The following CDKAL1 variants were observed in gnomAD, a reference collection of about 807,000 sequenced individuals.
CDKAL1 encodes threonylcarbamoyladenosine tRNA methylthiotransferase.
In CDKAL1, 32 loss-of-function variants were observed where a neutral mutation model predicts 68.2. The observed-to-expected ratio is 0.47, with a 90% CI of 0.35 to 0.63. The LOEUF is 0.63. Among genes scored for constraint, CDKAL1 ranks in the 30% least tolerant of loss-of-function variants. CDKAL1 has a pLI of 0.00. For missense variants in CDKAL1, 606 were observed against 696.7 expected (o/e 0.87, Z 1.47); for synonymous variants, 234 against 244.3 (o/e 0.96, Z 0.39).
chr6:20,805,657 G>A (rs1238414224), intron 8 of CDKAL1, among the ~76,000 whole-genome samples: 1 of 152,020 alleles, frequency 6.6e-6, no homozygotes, highest in Admixed American at 6.6e-5. Context: ...TTCACAGGAG[G>A]GCAACAGTCA....
At chr6:20,914,949 T>A (rs1762653771) in intron 9 of CDKAL1, among the ~76,000 whole-genome samples, 1 of 152,148 alleles carries the variant, frequency 6.6e-6, no homozygotes, top group South Asian at 2.1e-4. Context: ...ATGGTGGGTA[T>A]AAGATTGAAT....
At chr6:21,030,121 A>G (rs1387819688) in intron 11 of CDKAL1, among the ~76,000 whole-genome samples, 2 of 152,226 alleles carry the variant, frequency 1.3e-5, no homozygotes, top group Non-Finnish European at 2.9e-5. Flanking sequence ...AATGTGGTAC[A>G]TATACACCAT....
intron 5 of CDKAL1, among the ~76,000 whole-genome samples, chr6:20,656,391 G>C (rs568531840): frequency 6.6e-6 from 1 of 152,292 alleles, no homozygotes; most frequent in Admixed American, 6.5e-5. Flanking sequence ...TGGAAGAGGG[G>C]AGTTAGGGTC....
intron 9 of CDKAL1, among the ~76,000 whole-genome samples, chr6:20,904,985 A>G (rs550163538): frequency 2.6e-5 from 4 of 152,294 alleles, no homozygotes; most frequent in Admixed American, 2.6e-4. Flanking sequence ...AGAAAATTTC[A>G]TTTCCAGAAT....
intron 13 of CDKAL1, among the ~76,000 whole-genome samples, chr6:21,140,773 A>G (rs556466340): frequency 5.9e-5 from 9 of 152,192 alleles, no homozygotes; most frequent in African/African-American, 2.2e-4. Flanking sequence ...CCTGCTTGCT[A>G]TGTGTATTAG....
intron 9 of CDKAL1, among the ~76,000 whole-genome samples, chr6:20,902,333 ACACACACACACAC>A: frequency 6.6e-6 from 1 of 150,530 alleles, no homozygotes; most frequent in Non-Finnish European, 1.5e-5. Flanking sequence ...ACACACACAC[ACACACACACACAC>A]ACACACACAC....
intron 4 of CDKAL1, among the ~76,000 whole-genome samples, chr6:20,585,080 G>A (rs542390802): frequency 2.5e-4 from 33 of 133,374 alleles, no homozygotes; most frequent in African/African-American, 9.6e-4. Flanking sequence ...TTTTTGAGAC[G>A]GAGTCTCGCT....
Position 20,587,091 on chromosome 6 carries a change from A to T in CDKAL1, c.286+38386A>T, listed in dbSNP as rs190746887. ...ATCCTCTACCTCCCGGGTTCAAGTGATTCTCTTGCCCCAGCCTCCTGAGTA... is the reference window on the plus strand; with the variant it reads ...ATCCTCTACCTCCCGGGTTCAAGTGTTTCTCTTGCCCCAGCCTCCTGAGTA... On this transcript the variant is annotated intron_variant, in intron 4 of 15. Coordinates refer to ENST00000274695, the MANE Select transcript of CDKAL1 (RefSeq NM_017774.3). 3.5e-3 allele frequency among the ~76,000 whole-genome samples: 494 copies of T among 141,394 alleles called. 1 individual carries two copies. The highest frequency in any genetic ancestry group is 8.1e-3 in the Admixed American group (104 of 12,854). The allele number at this position is 141,394 out of a possible 152,430, so 92.8% of individuals were successfully genotyped here. A position where few individuals can be genotyped will look rare whatever the true frequency, so the allele number is the denominator to read the frequency against.
rs141686095 is a variant in CDKAL1, at chr6:20,585,525, T to A, written c.286+36820T>A. Among the ~76,000 whole-genome samples the A allele has an allele frequency of 6.3e-3, 958 of 152,342 alleles. 4 individuals are homozygous for A. The highest frequency in any genetic ancestry group is 8.5e-3 in the Non-Finnish European group (580 of 68,030). ...CTACGGAGGCCCTTTTACTTGAAAG[T>A]GCTCTCATCAAGTTCACCAATGACC... On this transcript the variant is annotated intron_variant, in intron 4 of 15. Transcript: ENST00000274695.
intron 4 of CDKAL1, among the ~76,000 whole-genome samples, chr6:20,629,136 T>C (rs1767562622): frequency 6.6e-6 from 1 of 152,226 alleles, no homozygotes; most frequent in South Asian, 2.1e-4. Context: ...TTTCTCTCTC[T>C]TTACTTGCCT....
intron 9 of CDKAL1, among the ~76,000 whole-genome samples, chr6:20,917,162 G>A (rs890345156): frequency 2.6e-5 from 4 of 152,058 alleles, no homozygotes; most frequent in African/African-American, 9.7e-5. Context: ...TGTATTTGTA[G>A]TAGAGATGTG....
chr6:20,704,084 C>A (rs1303343858), intron 5 of CDKAL1, among the ~76,000 whole-genome samples: 1 of 152,114 alleles, frequency 6.6e-6, no homozygotes, highest in Non-Finnish European at 1.5e-5. Context: ...CTGTTTGAGG[C>A]TCTGGGATTT....
At chr6:21,053,229 A>G (rs546040644) in intron 11 of CDKAL1, among the ~76,000 whole-genome samples, 1 of 152,226 alleles carries the variant, frequency 6.6e-6, no homozygotes, top group African/African-American at 2.4e-5. Flanking sequence ...AATCACAATA[A>G]GCAATCCTTC....
intron 12 of CDKAL1, among the ~76,000 whole-genome samples, chr6:21,093,183 A>T (rs540886147): frequency 2.0e-4 from 31 of 152,182 alleles, no homozygotes; most frequent in Non-Finnish European, 4.1e-4. Flanking sequence ...GAGAAAAGCC[A>T]GGTCACATTC....
intron 8 of CDKAL1, among the ~76,000 whole-genome samples, chr6:20,840,040 G>A (rs1162041812): frequency 6.6e-6 from 1 of 152,208 alleles, no homozygotes. Flanking sequence ...CTTAAGAGAA[G>A]TACAGAGTAC....
intron 4 of CDKAL1, among the ~76,000 whole-genome samples, chr6:20,570,246 G>A (rs150473228): frequency 0.091 from 13,830 of 151,712 alleles, 722 homozygotes; most frequent in African/African-American, 0.12. Context: ...TGGGACTACA[G>A]GCGTATGACA....
In CDKAL1 at chr6:20,739,574, C is replaced by T; in HGVS notation, c.427C>T (p.Gln143Ter). 1 of 1,613,162 alleles carries T rather than the reference C, an allele frequency of 6.2e-7. No homozygotes were observed. Among genetic ancestry groups the T allele is most frequent in the Non-Finnish European group, 8.5e-7 (1 of 1,179,382 alleles). ...IVLAGCVPQA[Q>*]PRQDYLKGLS... is the part of the protein sequence containing the mutation. The stretch of plus-strand genomic sequence containing the variant: ...ACTGGCTGGATGCGTTCCTCAAGCC[C>T]AGCCTCGCCAGGACTACCTTAAGGG... Residue 143 changes from glutamine to a stop codon, truncating the protein, a stop_gained, in exon 6 of 16, where the codon CAG becomes TAG. Transcript: ENST00000274695. LOFTEE classifies it high-confidence loss of function.
At chr6:20,824,844 A>G (rs558340042) in intron 8 of CDKAL1, among the ~76,000 whole-genome samples, 9 of 152,278 alleles carry the variant, frequency 5.9e-5, no homozygotes, top group African/African-American at 2.2e-4. Context: ...TAACATTTTT[A>G]TTAGAGCTAT....
Position 21,000,103 on chromosome 6 carries a change from G to C in CDKAL1, c.910-124G>C, listed in dbSNP as rs187745030. On this transcript the variant is annotated intron_variant, in intron 10 of 15. Coordinates refer to ENST00000274695, the MANE Select transcript of CDKAL1 (RefSeq NM_017774.3). The stretch of plus-strand genomic sequence containing the variant: ...TTACCAACTGATGTTCACTTTAAGA[G>C]CCTTGATGATTGGTCTGTTTTCAGC... The C allele has an allele frequency of 1.2e-5, 8 of 646,772 alleles. No individual in the cohort carries two copies. The African/African-American group carries it at 1.3e-4, about 10-fold the overall frequency. 40.1% of individuals were successfully genotyped at this position (646,772 alleles called of 1,614,324 possible). A position where few individuals can be genotyped will look rare whatever the true frequency, so the allele number is the denominator to read the frequency against.
Sources: allele counts gnomAD v4.1 joint callset (sites outside exome capture counted in the v4.1 genomes callset), GRCh38; gene constraint gnomAD v4.1.1; transcripts MANE v1.5; gene names NCBI Gene and HGNC (gene_info 2026-07-23, HGNC 2026-07-21).